Variants in BRINP2 observed in about 807,000 individuals in gnomAD.
BRINP2 encodes BMP/retinoic acid inducible neural specific 2, also known as BMP/retinoic acid-inducible neural-specific protein 2.
In BRINP2, 21 loss-of-function variants were observed where a neutral mutation model predicts 69.2. The observed-to-expected ratio is 0.30, with a 90% CI of 0.22 to 0.44. The LOEUF is 0.44. Ranked by LOEUF, BRINP2 falls within the 20% of genes least tolerant of loss-of-function variation. The probability of loss-of-function intolerance (pLI) is 1.00; values close to 1 mark genes in which losing one functional copy is unlikely to be tolerated. For missense variants in BRINP2, 877 were observed against 986.0 expected (o/e 0.89, Z 1.48); for synonymous variants, 380 against 394.1 (o/e 0.96, Z 0.42).
At chr1:177,242,462 C>T (rs771877451) in intron 2 of BRINP2, among the ~76,000 whole-genome samples, 12 of 152,246 alleles carry the variant, frequency 7.9e-5, no homozygotes, top group Non-Finnish European at 1.5e-4. Context: ...AGAAGGCCCC[C>T]TTGATGTCCT....
chr1:177,261,107 T>C (rs1286707248), intron 4 of BRINP2, among the ~76,000 whole-genome samples: 1 of 151,882 alleles, frequency 6.6e-6, no homozygotes, highest in Non-Finnish European at 1.5e-5. Context: ...CAGGTACAAG[T>C]GCCCTAAAGT....
At chr1:177,257,033 G>A in intron 3 of BRINP2, 143 bp from the exon 4 acceptor site, 1 of 1,543,512 alleles carries the variant, frequency 6.5e-7, no homozygotes, top group Non-Finnish European at 8.8e-7. Context: ...TTCTAAAGAT[G>A]GTAAGGGCTG....
intron 1 of BRINP2, among the ~76,000 whole-genome samples, chr1:177,188,658 T>A (rs1277402858): frequency 6.6e-6 from 1 of 152,182 alleles, no homozygotes; most frequent in Admixed American, 6.5e-5. Context: ...CTCTTTGATA[T>A]CTATTTAACT....
chr1:177,207,633 C>T (rs886657360), intron 1 of BRINP2, among the ~76,000 whole-genome samples: 2 of 152,126 alleles, frequency 1.3e-5, no homozygotes, highest in Non-Finnish European at 2.9e-5. Context: ...CTGCATCTTT[C>T]TCTATGAAAC....
chr1:177,220,049 C>T (rs1166698446), intron 1 of BRINP2, among the ~76,000 whole-genome samples: 1 of 152,170 alleles, frequency 6.6e-6, no homozygotes, highest in East Asian at 1.9e-4. Flanking sequence ...GCAGGCCATG[C>T]CCAGGGGCAG....
chr1:177,184,828 T>C (rs1489161585), intron 1 of BRINP2, among the ~76,000 whole-genome samples: 3 of 152,102 alleles, frequency 2.0e-5, no homozygotes, highest in Admixed American at 6.6e-5. Flanking sequence ...TCTTTCCTAT[T>C]AAGAATATTT....
In BRINP2 at chr1:177,185,986, T is replaced by C. The variant is rs142305575; in HGVS notation, c.-77+14254T>C. On this transcript the variant is annotated intron_variant, in intron 1 of 7. Transcript: ENST00000361539. ...TTATTCATCAGATAATTTATTATAA[T>C]GACTGCCTGAACCTCTGAAAGATTT... Among the ~76,000 whole-genome samples, 689 of 152,370 alleles carry C rather than the reference T, an allele frequency of 4.5e-3. 8 individuals carry two copies. Among genetic ancestry groups the C allele is most frequent in the Non-Finnish European group, 6.4e-3 (434 of 68,032 alleles).
chr1:177,205,361 G>C lies in BRINP2; in HGVS notation c.-76-24440G>C, dbSNP rs575840227. ...TCGCCACATTGGCCAGGCTGGTTTC[G>C]AACTCCTGACCTCTGACCTCAAGTG... On this transcript the variant is annotated intron_variant, in intron 1 of 7. Transcript: ENST00000361539. 1.8e-4 allele frequency among the ~76,000 whole-genome samples: 27 copies of C among 152,212 alleles called. No homozygotes were observed. The South Asian group carries it at 5.6e-3, about 32-fold the overall frequency.
At chr1:177,276,096 C>A in intron 5 of BRINP2, 102 bp from the exon 6 acceptor site, 2 of 1,133,910 alleles carry the variant, frequency 1.8e-6, no homozygotes, top group Non-Finnish European at 2.6e-6. Flanking sequence ...CCAGGATGCA[C>A]AAGTCAGCAG....
chr1:177,239,865 C>T (rs1313635897), intron 2 of BRINP2, among the ~76,000 whole-genome samples: 1 of 152,152 alleles, frequency 6.6e-6, no homozygotes, highest in African/African-American at 2.4e-5. Context: ...GCAGGAGTTC[C>T]CAGCCATGTC....
chr1:177,172,062 A>G (rs1308062477), intron 1 of BRINP2, among the ~76,000 whole-genome samples: 1 of 152,222 alleles, frequency 6.6e-6, no homozygotes, highest in Non-Finnish European at 1.5e-5. Flanking sequence ...AAAATTCAAT[A>G]GGGCTGCATA....
chr1:177,176,984 T>C (rs528081971), intron 1 of BRINP2, among the ~76,000 whole-genome samples: 198 of 152,306 alleles, frequency 1.3e-3, no homozygotes, highest in Middle Eastern at 6.8e-3. Flanking sequence ...TGGGTATGTT[T>C]GTCTTTCAAA....
intron 1 of BRINP2, among the ~76,000 whole-genome samples, chr1:177,201,179 A>G (rs1648899392): frequency 1.3e-5 from 2 of 152,212 alleles, no homozygotes; most frequent in African/African-American, 2.4e-5. Context: ...CCCCAAAACT[A>G]TTGAAATAAA....
At chr1:177,190,528 G>T (rs544677998) in intron 1 of BRINP2, among the ~76,000 whole-genome samples, 2 of 152,304 alleles carry the variant, frequency 1.3e-5, no homozygotes, top group Non-Finnish European at 2.9e-5. Context: ...CATCTGTTGA[G>T]GTTGGCAGTC....
intron 1 of BRINP2, among the ~76,000 whole-genome samples, chr1:177,207,720 T>C (rs1405033132): frequency 1.3e-5 from 2 of 152,206 alleles, no homozygotes; most frequent in East Asian, 3.8e-4. Flanking sequence ...AATATTTCTC[T>C]GGCTACATTG....
intron 1 of BRINP2, among the ~76,000 whole-genome samples, chr1:177,201,944 G>A (rs1035834650): frequency 6.6e-6 from 1 of 152,054 alleles, no homozygotes; most frequent in East Asian, 1.9e-4. Flanking sequence ...TGTATGTGTC[G>A]AGGAATTTAT....
intron 2 of BRINP2, among the ~76,000 whole-genome samples, chr1:177,242,210 C>G (rs1346906258): frequency 6.6e-6 from 1 of 152,186 alleles, no homozygotes; most frequent in Non-Finnish European, 1.5e-5. Flanking sequence ...GCTTCATTGT[C>G]TACCATTCGT....
chr1:177,220,197 G>T (rs924926544), intron 1 of BRINP2, among the ~76,000 whole-genome samples: 2 of 152,200 alleles, frequency 1.3e-5, no homozygotes, highest in African/African-American at 4.8e-5. Flanking sequence ...TCTATCTACA[G>T]CAGGAAATGG....
At chr1:177,259,915 C>T (rs1650892920) in intron 4 of BRINP2, among the ~76,000 whole-genome samples, 1 of 152,144 alleles carries the variant, frequency 6.6e-6, no homozygotes. Context: ...TTTATGCCTG[C>T]AAACACAGCA....
Sources: allele counts gnomAD v4.1 joint callset (sites outside exome capture counted in the v4.1 genomes callset), GRCh38; gene constraint gnomAD v4.1.1; transcripts MANE v1.5; gene names NCBI Gene and HGNC (gene_info 2026-07-23, HGNC 2026-07-21).